DLG1: variants seen among roughly 807,000 people sequenced by gnomAD.
DLG1 encodes the protein discs large MAGUK scaffold protein 1, also known as disks large homolog 1.
In DLG1, 42 loss-of-function variants were observed where a neutral mutation model predicts 123.4. That is an observed-to-expected ratio of 0.34 (90% CI 0.27 to 0.44). The LOEUF (loss-of-function observed/expected upper bound fraction) is 0.44. DLG1 is among the 20% of genes least tolerant of loss of function. The probability of loss-of-function intolerance (pLI) is 1.00; values close to 1 mark genes in which losing one functional copy is unlikely to be tolerated. For missense variants in DLG1, 942 were observed against 1,082.6 expected (o/e 0.87, Z 1.82); for synonymous variants, 317 against 356.2 (o/e 0.89, Z 1.24).
intron 23 of DLG1, among the ~76,000 whole-genome samples, chr3:197,054,224 T>A (rs1424911171): frequency 6.6e-6 from 1 of 152,230 alleles, no homozygotes; most frequent in African/African-American, 2.4e-5. Flanking sequence ...AGTGTGGGTA[T>A]CTAAGTTTAT....
chr3:197,073,425 GTC>G (rs1745301426), intron 18 of DLG1, among the ~76,000 whole-genome samples: 1 of 152,062 alleles, frequency 6.6e-6, no homozygotes, highest in South Asian at 2.1e-4. Flanking sequence ...TTTCCTTTCA[GTC>G]TCTGTTAAAG....
At chr3:197,168,817 T>C (rs1006689719) in intron 5 of DLG1, among the ~76,000 whole-genome samples, 1 of 152,206 alleles carries the variant, frequency 6.6e-6, no homozygotes, top group Admixed American at 6.5e-5. Context: ...CAGTTGTTTC[T>C]ATCCACAGCA....
chr3:197,292,341 C>A (rs1177188215), intron 3 of DLG1, among the ~76,000 whole-genome samples: 3 of 152,184 alleles, frequency 2.0e-5, no homozygotes, highest in Non-Finnish European at 4.4e-5. Context: ...GCGGACTCTA[C>A]ACTGAGTGAA....
intron 3 of DLG1, among the ~76,000 whole-genome samples, chr3:197,283,684 G>A (rs1770433534): frequency 6.6e-6 from 1 of 152,014 alleles, no homozygotes; most frequent in African/African-American, 2.4e-5. Context: ...GTATAATTTT[G>A]GATAAGGGAA....
chr3:197,125,306 C>G (rs565544078), intron 11 of DLG1, among the ~76,000 whole-genome samples: 18 of 152,066 alleles, frequency 1.2e-4, no homozygotes, highest in Non-Finnish European at 2.4e-4. Context: ...TATGGCCATA[C>G]GTAAAAAGCA....
rs916695066 is a variant in DLG1, at chr3:197,206,457, G to A, written c.319-11868C>T. On this transcript the variant is annotated intron_variant, in intron 4 of 24. Coordinates refer to ENST00000667157, the MANE Select transcript of DLG1 (RefSeq NM_001366207.1). ...TGGGACCACAGGCACAAGCCACCAT[G>A]CCCAGCTAATTTTTGTATTTTTTGT... Among the ~76,000 whole-genome samples the A allele has an allele frequency of 5.9e-5, 9 of 152,128 alleles. 1 individual carries two copies. Among genetic ancestry groups the A allele is most frequent in the East Asian group, 1.9e-4 (1 of 5,174 alleles).
chr3:197,263,587 G>C (rs1418983336), intron 4 of DLG1, among the ~76,000 whole-genome samples: 1 of 152,050 alleles, frequency 6.6e-6, no homozygotes, highest in Non-Finnish European at 1.5e-5. Context: ...CGGAGTTCGA[G>C]ACCAGCCTGG....
At chr3:197,091,174 C>T (rs1419026018) in intron 14 of DLG1, 148 bp from the exon 15 acceptor site, 5 of 505,500 alleles carry the variant, frequency 9.9e-6, no homozygotes, top group Admixed American at 6.8e-5. Context: ...TTGCCCAACA[C>T]ATAAATTTCA....
At chr3:197,083,304 C>T (rs550232319) in intron 16 of DLG1, among the ~76,000 whole-genome samples, 12 of 152,174 alleles carry the variant, frequency 7.9e-5, no homozygotes, top group African/African-American at 2.9e-4. Flanking sequence ...ATAAATTCAA[C>T]TAATAAGAAA....
chr3:197,232,801 A>T (rs1024520903), intron 4 of DLG1, among the ~76,000 whole-genome samples: 3 of 152,094 alleles, frequency 2.0e-5, no homozygotes, highest in Admixed American at 2.0e-4. Flanking sequence ...TTTGAGAACT[A>T]CTAAGTATCT....
At chr3:197,181,682 A>G (rs1441908989) in intron 5 of DLG1, among the ~76,000 whole-genome samples, 3 of 152,220 alleles carry the variant, frequency 2.0e-5, no homozygotes, top group Non-Finnish European at 4.4e-5. Flanking sequence ...GTATAAAATG[A>G]AAAACAAAAT....
chr3:197,182,217 G>A (rs1712637547), intron 5 of DLG1, among the ~76,000 whole-genome samples: 1 of 152,090 alleles, frequency 6.6e-6, no homozygotes, highest in Non-Finnish European at 1.5e-5. Context: ...GAATAACATT[G>A]TCAACCTTTA....
chr3:197,247,379 GGT>G (rs1485837975), intron 4 of DLG1, among the ~76,000 whole-genome samples: 1 of 152,124 alleles, frequency 6.6e-6, no homozygotes, highest in Non-Finnish European at 1.5e-5. Context: ...GGCAGATACA[GGT>G]GGTCTAGTGG....
At chr3:197,294,526 T>G (rs990347395) in intron 3 of DLG1, among the ~76,000 whole-genome samples, 12 of 151,956 alleles carry the variant, frequency 7.9e-5, no homozygotes, top group African/African-American at 2.9e-4. Context: ...GACGTGGTGG[T>G]GGGCACCTTT....
intron 4 of DLG1, among the ~76,000 whole-genome samples, chr3:197,234,666 G>C (rs1745024845): frequency 6.6e-6 from 1 of 152,074 alleles, no homozygotes; most frequent in Admixed American, 6.6e-5. Context: ...CAAAGAAAGA[G>C]GGCTGTATGT....
At chr3:197,056,095 C>T (rs1005274697) in intron 23 of DLG1, among the ~76,000 whole-genome samples, 1 of 152,118 alleles carries the variant, frequency 6.6e-6, no homozygotes, top group African/African-American at 2.4e-5. Context: ...CAAACCTTCC[C>T]CTGGAAGTCA....
rs1443574981 is a variant in DLG1 at position 197,261,144 on chromosome 3, CTT to C, written c.318+21533_318+21534del. On this transcript the variant is annotated intron_variant, in intron 4 of 24. Transcript: ENST00000667157. ...AAGTCTTTGTTTTTAAGTCAACTAA[CTT>C]TGTGAATTCATGTCCTGTCTCCAAG... is the stretch of plus-strand genomic sequence containing the variant. 7.9e-5 allele frequency among the ~76,000 whole-genome samples: 12 copies of C among 152,312 alleles called. No individual in the cohort carries two copies. In the East Asian group the frequency reaches 2.1e-3, roughly 27 times the overall value.
At chr3:197,159,737 C>T (rs1386262746) in intron 5 of DLG1, among the ~76,000 whole-genome samples, 1 of 152,150 alleles carries the variant, frequency 6.6e-6, no homozygotes, top group Non-Finnish European at 1.5e-5. Context: ...CACTCATTGG[C>T]TTCTCACATA....
chr3:197,279,076 T>C (rs1371522519), intron 4 of DLG1, among the ~76,000 whole-genome samples: 1 of 152,222 alleles, frequency 6.6e-6, no homozygotes, highest in Non-Finnish European at 1.5e-5. Flanking sequence ...CTAAGTCCCT[T>C]TTTAGTCCTA....
Sources: allele counts gnomAD v4.1 joint callset (sites outside exome capture counted in the v4.1 genomes callset), GRCh38; gene constraint gnomAD v4.1.1; transcripts MANE v1.5; gene names NCBI Gene and HGNC (gene_info 2026-07-23, HGNC 2026-07-21).